Variants in UPP2 observed in about 807,000 individuals in gnomAD.
UPP2 encodes the protein uridine phosphorylase 2, also known as UPase 2.
Under a neutral mutation model 26.7 loss-of-function variants are expected in UPP2, and 23 were observed. The ratio of observed to expected loss-of-function variants is 0.86; its 90% CI spans 0.62 to 1.22. The LOEUF (loss-of-function observed/expected upper bound fraction) is 1.22, where lower values mean the gene tolerates loss of function less well. Ranked by LOEUF, UPP2 falls within the 50% of genes most tolerant of loss-of-function variation. The pLI, the probability that UPP2 is intolerant of heterozygous loss-of-function variation, is 0.00. For missense variants in UPP2, 387 were observed against 396.7 expected (o/e 0.98, Z 0.21); for synonymous variants, 127 against 141.3 (o/e 0.90, Z 0.72).
In UPP2 at chr2:158,109,103, T is replaced by C. The variant is rs146219157; in HGVS notation, c.180+2887T>C. Reference sequence around the variant, plus strand: ...TTCTCCTCTTTGAATGAGAACATTCTACATTCAATTTCTTGAGTTCCTTAA... The same window carrying C: ...TTCTCCTCTTTGAATGAGAACATTCCACATTCAATTTCTTGAGTTCCTTAA... On this transcript the variant is annotated intron_variant, in intron 2 of 6. Coordinates refer to ENST00000005756, the MANE Select transcript of UPP2 (RefSeq NM_173355.4). Among the ~76,000 whole-genome samples, 126 of 152,214 alleles carry C rather than the reference T, an allele frequency of 8.3e-4. 2 individuals are homozygous for C. Among genetic ancestry groups the C allele is most frequent in the African/African-American group, 2.7e-3 (114 of 41,542 alleles).
intron 2 of UPP2, among the ~76,000 whole-genome samples, chr2:158,005,663 C>CA (rs1332300872): frequency 6.6e-5 from 10 of 152,178 alleles, no homozygotes; most frequent in Non-Finnish European, 1.0e-4. Context: ...TTATATGGCT[C>CA]TGCCATTTAC....
intron 3 of UPP2, among the ~76,000 whole-genome samples, chr2:158,027,876 G>C (rs192531384): frequency 6.6e-6 from 1 of 152,320 alleles, no homozygotes; most frequent in African/African-American, 2.4e-5. Flanking sequence ...TTTGGGGCTT[G>C]TATCCTCTAA....
At chr2:158,073,350 C>A (rs1353542411) in intron 3 of UPP2, among the ~76,000 whole-genome samples, 1 of 151,798 alleles carries the variant, frequency 6.6e-6, no homozygotes, top group African/African-American at 2.4e-5. Context: ...TAGAAAACAG[C>A]CTCAAAAGGG....
chr2:158,113,561 G>A (rs568516732), intron 2 of UPP2, among the ~76,000 whole-genome samples: 23 of 152,314 alleles, frequency 1.5e-4, no homozygotes, highest in African/African-American at 2.6e-4. Flanking sequence ...AGCAGAGGGC[G>A]TGGATACAGG....
chr2:158,120,029 T>A (rs1218160013), intron 4 of UPP2, among the ~76,000 whole-genome samples: 1 of 150,518 alleles, frequency 6.6e-6, no homozygotes, highest in Non-Finnish European at 1.5e-5. Context: ...AAAATAAAAA[T>A]AAAAATAAAT....
chr2:158,016,146 AT>A lies in UPP2; in HGVS notation c.147+270del, dbSNP rs57865237. ...TGTTTAAAAAAAAAAAAACTAACAG[AT>A]TTTTTTTTTAAATTACTTTTTCTTG... On this transcript the variant is annotated intron_variant, in intron 3 of 9. Transcript: ENST00000605860. 5.1e-3 allele frequency among the ~76,000 whole-genome samples: 768 copies of A among 149,162 alleles called. 3 individuals are homozygous for A. Among genetic ancestry groups the A allele is most frequent in the African/African-American group, 0.016 (668 of 40,620 alleles).
chr2:158,099,754 A>C (rs1465557596), upstream of UPP2, among the ~76,000 whole-genome samples: 1 of 152,192 alleles, frequency 6.6e-6, no homozygotes, highest in African/African-American at 2.4e-5. Context: ...ATTAAGCCAG[A>C]TAGAAAACTG....
intron 3 of UPP2, among the ~76,000 whole-genome samples, chr2:158,116,876 C>T (rs748013836): frequency 7.9e-5 from 12 of 152,074 alleles, no homozygotes; most frequent in Non-Finnish European, 1.8e-4. Flanking sequence ...ATTTGAAAGT[C>T]AGGGCATATG....
At chr2:158,112,084 T>C (rs1683331093) in intron 2 of UPP2, among the ~76,000 whole-genome samples, 1 of 152,170 alleles carries the variant, frequency 6.6e-6, no homozygotes, top group Admixed American at 6.6e-5. Flanking sequence ...AGTTGCCTAT[T>C]TTGCAGAACT....
intron 1 of UPP2, among the ~76,000 whole-genome samples, chr2:158,104,966 G>A (rs1445299917): frequency 2.5e-4 from 19 of 74,674 alleles, no homozygotes; most frequent in African/African-American, 1.3e-3. Flanking sequence ...GGAAGGGAAG[G>A]GAAGGGAAGG....
chr2:158,097,086 A>T (rs1682997187), upstream of UPP2, among the ~76,000 whole-genome samples: 1 of 152,048 alleles, frequency 6.6e-6, no homozygotes, highest in Admixed American at 6.6e-5. Context: ...ACATGATAAA[A>T]AATATGAACC....
At chr2:158,009,499 T>C (rs1009146072) in intron 2 of UPP2, among the ~76,000 whole-genome samples, 2 of 152,186 alleles carry the variant, frequency 1.3e-5, no homozygotes, top group South Asian at 2.1e-4. Flanking sequence ...CTGAGTGTGG[T>C]TTTACTGGGA....
At chr2:158,080,172 G>C (rs951759881) in intron 3 of UPP2, among the ~76,000 whole-genome samples, 1 of 151,936 alleles carries the variant, frequency 6.6e-6, no homozygotes, top group Non-Finnish European at 1.5e-5. Flanking sequence ...AAGATAAATG[G>C]TATTAAAATA....
Position 158,123,841 on chromosome 2 carries a change from A to G in UPP2, c.757A>G (p.Ile253Val). 1 of 1,614,110 alleles carries G rather than the reference A, an allele frequency of 6.2e-7. No individual in the cohort carries two copies. Among genetic ancestry groups the G allele is most frequent in the Non-Finnish European group, 8.5e-7 (1 of 1,179,948 alleles). ...AGCATTTAAAGCTGGTGTCAGGAATATTGAAATGGAATCTACAGTGTTTGC... is the reference window on the plus strand; with the variant it reads ...AGCATTTAAAGCTGGTGTCAGGAATGTTGAAATGGAATCTACAGTGTTTGC... ...KRAFKAGVRN[I>V]EMESTVFAAM... The change falls in exon 6 of 7, where the codon ATT becomes GTT. Residue 253 changes from isoleucine to valine, a missense_variant. By Grantham distance (29) the Ile-to-Val change is conservative (BLOSUM62 3). Transcript: ENST00000005756.
intron 3 of UPP2, among the ~76,000 whole-genome samples, chr2:158,044,650 C>A (rs1289394488): frequency 6.6e-6 from 1 of 152,102 alleles, no homozygotes; most frequent in Non-Finnish European, 1.5e-5. Flanking sequence ...TGCTTATGTT[C>A]GATCAGGTAT....
intron 3 of UPP2, among the ~76,000 whole-genome samples, chr2:158,035,438 G>T (rs1319437680): frequency 6.6e-6 from 1 of 152,184 alleles, no homozygotes; most frequent in South Asian, 2.1e-4. Flanking sequence ...ACAGGCATGA[G>T]CCACCGCGCC....
chr2:158,125,194 A>C (rs1208703263), intron 6 of UPP2, among the ~76,000 whole-genome samples: 1 of 152,218 alleles, frequency 6.6e-6, no homozygotes, highest in Non-Finnish European at 1.5e-5. Flanking sequence ...TTATAAGTGG[A>C]ATTTGACTTG....
chr2:158,081,082 A>C (rs1682716543), intron 3 of UPP2, among the ~76,000 whole-genome samples: 1 of 152,222 alleles, frequency 6.6e-6, no homozygotes, highest in Admixed American at 6.6e-5. Flanking sequence ...AGACATAAGA[A>C]TCAAGTGTTA....
At chr2:158,022,013 A>C (rs1163926132) in intron 3 of UPP2, among the ~76,000 whole-genome samples, 1 of 152,004 alleles carries the variant, frequency 6.6e-6, no homozygotes, top group Non-Finnish European at 1.5e-5. Context: ...CAATAAATGG[A>C]AGCCATACCA....
Sources: gnomAD v4.1 joint callset for allele counts (sites outside exome capture counted in the v4.1 genomes callset) on GRCh38, gnomAD v4.1.1 for gene constraint, MANE v1.5 for transcripts, NCBI Gene and HGNC (gene_info 2026-07-23, HGNC 2026-07-21) for gene names.